MTMR1: variants seen among roughly 807,000 people sequenced by gnomAD.
The protein encoded by MTMR1 is myotubularin related protein 1.
Under a neutral mutation model 51.6 loss-of-function variants are expected in MTMR1, and 17 were observed. The observed-to-expected ratio is 0.33, with a 90% CI of 0.23 to 0.49. MTMR1 has a LOEUF of 0.49. Ranked by LOEUF, MTMR1 falls within the 20% of genes least tolerant of loss-of-function variation. The pLI is 0.99. For missense variants in MTMR1, 386 were observed against 526.9 expected (o/e 0.73, Z 2.62); for synonymous variants, 201 against 205.6 (o/e 0.98, Z 0.19).
intron 2 of MTMR1, among the ~76,000 whole-genome samples, chrX:150,702,913 C>T (rs2040968301): frequency 9.0e-6 from 1 of 111,598 alleles, no homozygotes; most frequent in African/African-American, 3.3e-5. Context: ...TGATTTAATA[C>T]CGAGTCATCC....
At chrX:150,757,372 G>C (rs1339743474) in intron 15 of MTMR1, among the ~76,000 whole-genome samples, 1 of 112,807 alleles carries the variant, frequency 8.9e-6, no homozygotes. Context: ...GTCATCACTT[G>C]CCTCTTCTTT....
intron 4 of MTMR1, among the ~76,000 whole-genome samples, chrX:150,721,371 T>C (rs1322301113): frequency 1.8e-5 from 2 of 112,078 alleles, no homozygotes; most frequent in Non-Finnish European, 1.9e-5. Context: ...CTTACTTAAA[T>C]ATCTGGTAGA....
intron 15 of MTMR1, among the ~76,000 whole-genome samples, chrX:150,758,056 A>AG (rs781904922): frequency 9.0e-6 from 1 of 111,629 alleles, no homozygotes; most frequent in Non-Finnish European, 1.9e-5. Flanking sequence ...GAGACTCGAC[A>AG]GATGTGACTG....
intron 3 of MTMR1, among the ~76,000 whole-genome samples, chrX:150,714,683 C>T (rs186238388): frequency 1.8e-5 from 2 of 112,451 alleles, no homozygotes; most frequent in Admixed American, 1.9e-4. Flanking sequence ...TTCCATATGA[C>T]ATTATTTGCA....
At chrX:150,693,806 C>A in intron 1 of MTMR1, 130 bp downstream of exon 1, 1 of 367,757 alleles carries the variant, frequency 2.7e-6, no homozygotes, top group Non-Finnish European at 3.5e-6. Flanking sequence ...CCCTCTTCAT[C>A]CCCTCTGGGC....
intron 15 of MTMR1, among the ~76,000 whole-genome samples, chrX:150,756,648 CT>C (rs1557417771): frequency 2.7e-5 from 3 of 111,914 alleles, no homozygotes; most frequent in African/African-American, 6.5e-5. Context: ...AGACTTTTTT[CT>C]TTTTTATTTA....
rs138912680 is a variant in MTMR1 at position 150,760,216 on chromosome X, G to A, written c.1858-2349G>A. 5.4e-3 allele frequency among the ~76,000 whole-genome samples: 578 copies of A among 107,908 alleles called. 29 individuals carry two copies. The highest frequency in any genetic ancestry group is 9.7e-3 in the Non-Finnish European group (493 of 50,981). The allele number at this position is 107,908 out of a possible 115,157, so 93.7% of individuals were successfully genotyped here. On this transcript the variant is annotated intron_variant, in intron 15 of 15. Transcript: ENST00000445323. Reference sequence around the variant, plus strand: ...TCCTAGGTGTGGGAATGGGGGTGGGGGAGTGCATTGAAGACAGGCAGAGAT... The same window carrying A: ...TCCTAGGTGTGGGAATGGGGGTGGGAGAGTGCATTGAAGACAGGCAGAGAT...
chrX:150,699,913 C>T (rs1557415879), intron 2 of MTMR1, among the ~76,000 whole-genome samples: 2 of 112,491 alleles, frequency 1.8e-5, no homozygotes, highest in Non-Finnish European at 3.8e-5. Context: ...AACAGTTGCT[C>T]AATAAATATT....
chrX:150,758,795 C>G (rs868916332), intron 15 of MTMR1, among the ~76,000 whole-genome samples: 1 of 65,714 alleles, frequency 1.5e-5, no homozygotes, highest in Non-Finnish European at 3.0e-5. Context: ...GACTCCGTCT[C>G]AAAAAAAAAA....
In MTMR1 at chrX:150,764,231, T is replaced by C. The variant is rs1014786258; in HGVS notation, c.*1502T>C. 1 of 110,973 alleles carries C rather than the reference T, an allele frequency of 9.0e-6. No individual in the cohort carries two copies. Among genetic ancestry groups the C allele is most frequent in the East Asian group, 2.8e-4 (1 of 3,599 alleles). 9.1% of individuals were successfully genotyped at this position (110,973 alleles called of 1,213,427 possible). Reference sequence around the variant, plus strand: ...TGAAAATATGTTAAGGGTTTTTTCGTAGAGAGAGAAAGAATGGATTTTTTT... The same window carrying C: ...TGAAAATATGTTAAGGGTTTTTTCGCAGAGAGAGAAAGAATGGATTTTTTT... On this transcript the variant is annotated 3_prime_UTR_variant, in exon 16 of 16. Coordinates refer to ENST00000445323, the MANE Select transcript of MTMR1 (RefSeq NM_001306144.3).
intron 3 of MTMR1, chrX:150,714,438 C>T (rs185965886): frequency 1.1e-6 from 1 of 917,955 alleles, no homozygotes; most frequent in East Asian, 7.8e-5. Context: ...TTCTCTTTCT[C>T]CTCTTTGCCT....
At position 150,759,962 on chromosome X, in the gene MTMR1, T is replaced by C. The variant is rs1405731319; in HGVS notation, c.1858-2603T>C. 2.7e-5 allele frequency among the ~76,000 whole-genome samples: 3 copies of C among 109,575 alleles called. 1 individual carries two copies. The highest frequency in any genetic ancestry group is 5.8e-5 in the Non-Finnish European group (3 of 51,401). On this transcript the variant is annotated intron_variant, in intron 15 of 15. Coordinates refer to ENST00000445323, the MANE Select transcript of MTMR1 (RefSeq NM_001306144.3). ...CAGGGCCAGATCCCGTCTCTGGCAGTGACTCACCGCCTGATCTGCAGCAGG... is the reference window on the plus strand; with the variant it reads ...CAGGGCCAGATCCCGTCTCTGGCAGCGACTCACCGCCTGATCTGCAGCAGG...
intron 3 of MTMR1, among the ~76,000 whole-genome samples, chrX:150,717,078 G>T: frequency 9.0e-6 from 1 of 110,988 alleles, no homozygotes; most frequent in Non-Finnish European, 1.9e-5. Flanking sequence ...AAGCAAATGA[G>T]GCCGGGCGCG....
intron 15 of MTMR1, among the ~76,000 whole-genome samples, chrX:150,758,334 G>A (rs1231712823): frequency 9.0e-6 from 1 of 111,174 alleles, no homozygotes; most frequent in Non-Finnish European, 1.9e-5. Context: ...TCTGCCTTGT[G>A]TCCACGCTCC....
At chrX:150,698,614 G>T (rs2040768552) in intron 1 of MTMR1, among the ~76,000 whole-genome samples, 1 of 108,667 alleles carries the variant, frequency 9.2e-6, no homozygotes, top group Admixed American at 9.9e-5. Flanking sequence ...AGGCGGGTGG[G>T]TCACTCGAGC....
chrX:150,742,834 A>AAAAAAAAG (rs1557417357), intron 12 of MTMR1, among the ~76,000 whole-genome samples: 74 of 101,795 alleles, frequency 7.3e-4, no homozygotes, highest in African/African-American at 2.2e-3. Flanking sequence ...AAAAAAAAAA[A>AAAAAAAAG]AAAGAAAGAA....
intron 4 of MTMR1, among the ~76,000 whole-genome samples, chrX:150,721,003 C>T (rs1213032455): frequency 2.7e-5 from 3 of 111,373 alleles, no homozygotes; most frequent in Non-Finnish European, 5.7e-5. Flanking sequence ...GAGTTTTCAT[C>T]AGGAATTGAT....
At chrX:150,755,966 A>G in intron 15 of MTMR1, 101 bp downstream of exon 15, 7 of 700,236 alleles carry the variant, frequency 1.0e-5, no homozygotes, top group Non-Finnish European at 1.1e-5. Flanking sequence ...TTAACATACC[A>G]TACTGACCGT....
At position 150,730,575 on chromosome X, in the gene MTMR1, A is replaced by G; in HGVS notation, c.708A>G (p.Lys236=). The change falls in exon 8 of 16, where the codon AAA becomes AAG. Residue 236 remains lysine, a synonymous_variant. Coordinates refer to ENST00000445323, the MANE Select transcript of MTMR1 (RefSeq NM_001306144.3). Reference sequence around the variant, plus strand: ...AAAAATTTCCAATTAATGGCTGGAAAGTTTATGATCCAGTATCTGAATATA... The same window carrying G: ...AAAAATTTCCAATTAATGGCTGGAAGGTTTATGATCCAGTATCTGAATATA... ...YKEKFPINGW[K]VYDPVSEYKR... 5 of 1,168,315 alleles carry G rather than the reference A, an allele frequency of 4.3e-6. No individual in the cohort carries two copies. The highest frequency in any genetic ancestry group is 5.8e-6 in the Non-Finnish European group (5 of 867,464).
Sources: allele counts gnomAD v4.1 joint callset (sites outside exome capture counted in the v4.1 genomes callset), GRCh38; gene constraint gnomAD v4.1.1; transcripts MANE v1.5; gene names NCBI Gene and HGNC (gene_info 2026-07-23, HGNC 2026-07-21).